HM13: variants seen among roughly 807,000 people sequenced by gnomAD.
HM13 encodes histocompatibility minor 13.
HM13 carries 18 observed loss-of-function variants against 50.0 expected under a neutral mutation model. That is an observed-to-expected ratio of 0.36 (90% CI 0.25 to 0.53). HM13 has a LOEUF of 0.53. Among genes scored for constraint, HM13 ranks in the 20% least tolerant of loss-of-function variants. The pLI, the probability that HM13 is intolerant of heterozygous loss-of-function variation, is 0.90. For synonymous variants in HM13, 197 were observed against 232.6 expected, an observed-to-expected ratio of 0.85 and a Z score of 1.39; for missense variants, 393 against 552.4, an observed-to-expected ratio of 0.71 and a Z score of 2.89.
intron 4 of HM13, among the ~76,000 whole-genome samples, chr20:31,546,044 CTTTT>C (rs35862306): frequency 6.8e-5 from 7 of 103,216 alleles, no homozygotes; most frequent in Admixed American, 1.1e-4. Context: ...AAATCTAGCA[CTTTT>C]TTTTTTTTTT....
At chr20:31,564,532 A>C (rs1046593945) in intron 10 of HM13, among the ~76,000 whole-genome samples, 1 of 152,024 alleles carries the variant, frequency 6.6e-6, no homozygotes, top group Non-Finnish European at 1.5e-5. Context: ...AGCCATGTTC[A>C]TATCACTGCA....
chr20:31,559,705 TC>T, intron 9 of HM13, 58 bp downstream of exon 9: 1 of 1,561,262 alleles, frequency 6.4e-7, no homozygotes. Context: ...CCAGTGGCCT[TC>T]AGGAGCCCAG....
chr20:31,562,875 G>A (rs545743919), intron 10 of HM13, among the ~76,000 whole-genome samples: 68 of 152,324 alleles, frequency 4.5e-4, no homozygotes, highest in Middle Eastern at 3.4e-3. Flanking sequence ...AGTAACATGC[G>A]TATGGCAAGG....
At chr20:31,530,414 C>CT (rs11478596) in intron 2 of HM13, among the ~76,000 whole-genome samples, 115 of 143,692 alleles carry the variant, frequency 8.0e-4, no homozygotes, top group Middle Eastern at 3.5e-3. Flanking sequence ...TTCTTTCATT[C>CT]TTTTTTTTTT....
chr20:31,515,471 A>G (rs1471564833), intron 1 of HM13, among the ~76,000 whole-genome samples: 2 of 152,200 alleles, frequency 1.3e-5, no homozygotes, highest in Non-Finnish European at 2.9e-5. Flanking sequence ...AACCTTGGAC[A>G]TGGCCTAGTC....
intron 1 of HM13, among the ~76,000 whole-genome samples, chr20:31,521,804 C>T (rs1982178577): frequency 2.7e-5 from 4 of 147,646 alleles, no homozygotes. Context: ...TAGAACAGTG[C>T]AGTAATGTTA....
At chr20:31,523,035 GT>G (rs200233326) in intron 1 of HM13, among the ~76,000 whole-genome samples, 2 of 120,472 alleles carry the variant, frequency 1.7e-5, no homozygotes, top group Non-Finnish European at 3.2e-5. Flanking sequence ...CCTGTTTGGG[GT>G]TTTTTTTGGG....
intron 3 of HM13, chr20:31,540,026 C>G (rs1440963100): frequency 1.3e-5 from 2 of 152,200 alleles, no homozygotes; most frequent in Non-Finnish European, 2.9e-5. Flanking sequence ...CTAGTGAGCC[C>G]CAGGCTGTAA....
Position 31,548,967 on chromosome 20 carries a change from G to C in HM13, c.455-62G>C, listed in dbSNP as rs183665019. 211 of 1,406,598 alleles carry C rather than the reference G, an allele frequency of 1.5e-4. No homozygotes were observed. The African/African-American group carries it at 2.7e-3, about 18-fold the overall frequency. 87.1% of individuals were successfully genotyped at this position (1,406,598 alleles called of 1,614,324 possible). ...CAGCCATGCCCTCCTCCGTCCAGGG[G>C]CTGACAGGTGGGAGGGGTAGCCCTG... On this transcript the variant is annotated intron_variant, in intron 4 of 12. Transcript: ENST00000398174.
intron 1 of HM13, among the ~76,000 whole-genome samples, chr20:31,523,910 G>A (rs1982330077): frequency 6.6e-6 from 1 of 152,212 alleles, no homozygotes; most frequent in Non-Finnish European, 1.5e-5. Flanking sequence ...AGTGGCTCCA[G>A]AGGGGAGGGT....
At chr20:31,569,010 A>G (rs1985102894) in intron 12 of HM13, 110 bp from the exon 13 acceptor site, 1 of 724,584 alleles carries the variant, frequency 1.4e-6, no homozygotes, top group Non-Finnish European at 2.3e-6. Context: ...GACGCTCTGC[A>G]TGTGACCAGG....
At position 31,514,463 on chromosome 20, in the gene HM13, A is replaced by G. The variant is rs938748011; in HGVS notation, c.-89A>G. The G allele has an allele frequency of 7.1e-7, 1 of 1,408,680 alleles. No individual in the cohort carries two copies. Among genetic ancestry groups the G allele is most frequent in the Non-Finnish European group, 9.7e-7 (1 of 1,034,012 alleles). The allele number at this position is 1,408,680 out of a possible 1,614,324, so 87.3% of individuals were successfully genotyped here. ...CGTCACTTCCTGTTGCCTTAGGGGA[A>G]CGTGGCTTTCCCTGCAGAGCCGGTG... On this transcript the variant is annotated 5_prime_UTR_variant, in exon 1 of 13. Coordinates refer to ENST00000398174, the MANE Select transcript of HM13 (RefSeq NM_178581.3). The surrounding 1 kb of genome is among the most constrained non-coding windows in gnomAD (Gnocchi z 4.3).
intron 2 of HM13, among the ~76,000 whole-genome samples, chr20:31,528,627 C>T (rs541494585): frequency 3.2e-4 from 48 of 152,326 alleles, no homozygotes; most frequent in African/African-American, 1.1e-3. Flanking sequence ...TACAGACGCG[C>T]GCCACCACGC....
chr20:31,548,686 CTG>C (rs1184526273), intron 4 of HM13: 3 of 344,820 alleles, frequency 8.7e-6, no homozygotes, highest in African/African-American at 2.1e-5. Context: ...GATAAGAAAA[CTG>C]AAGCTCAGAG....
intron 1 of HM13, among the ~76,000 whole-genome samples, chr20:31,518,889 A>G (rs542790575): frequency 2.2e-4 from 33 of 151,784 alleles, no homozygotes; most frequent in African/African-American, 7.0e-4. Context: ...AGAGAGATCT[A>G]CCTCATCTTT....
chr20:31,568,034 C>T (rs1376295502), intron 11 of HM13, 44 bp from the exon 12 acceptor site: 1 of 1,501,004 alleles, frequency 6.7e-7, no homozygotes, highest in Non-Finnish European at 9.1e-7. Context: ...TAGTCTTTCC[C>T]TATCCATCTC....
chr20:31,531,880 G>C (rs2122572020), intron 2 of HM13, among the ~76,000 whole-genome samples: 1 of 152,238 alleles, frequency 6.6e-6, no homozygotes, highest in South Asian at 2.1e-4. Context: ...AGGATGACTT[G>C]AGCACAGGAG....
chr20:31,537,637 G>T (rs916654289), intron 2 of HM13, among the ~76,000 whole-genome samples: 1 of 152,222 alleles, frequency 6.6e-6, no homozygotes, highest in Non-Finnish European at 1.5e-5. Flanking sequence ...ACGACGAAAA[G>T]ACCAAGAAGC....
intron 8 of HM13, among the ~76,000 whole-genome samples, chr20:31,558,840 C>A (rs1011389862): frequency 6.6e-6 from 1 of 152,238 alleles, no homozygotes; most frequent in African/African-American, 2.4e-5. Flanking sequence ...TCTCCTGCCT[C>A]AGCCTCCCGA....
Sources: gnomAD v4.1 joint callset for allele counts (sites outside exome capture counted in the v4.1 genomes callset) on GRCh38, gnomAD v4.1.1 for gene constraint, Gnocchi (gnomAD v3.1) non-coding constraint, MANE v1.5 for transcripts, NCBI Gene and HGNC (gene_info 2026-07-23, HGNC 2026-07-21) for gene names.